The following TRPM3 variants were observed in gnomAD, a reference collection of about 807,000 sequenced individuals.
TRPM3 encodes the protein long transient receptor potential channel 3.
In TRPM3, 77 loss-of-function variants were observed where a neutral mutation model predicts 181.2. The observed-to-expected ratio is 0.42, with a 90% confidence interval of 0.35 to 0.51. The LOEUF (loss-of-function observed/expected upper bound fraction) is 0.51. TRPM3 is among the 20% of genes least tolerant of loss of function. The probability of loss-of-function intolerance (pLI) is 0.01; values close to 1 mark genes in which losing one functional copy is unlikely to be tolerated. For missense variants in TRPM3, 1,759 were observed against 2,196.7 expected (o/e 0.80, Z 3.98); for synonymous variants, 745 against 796.4 (o/e 0.94, Z 1.09).
exon 1 of TRPM3, chr9:71,446,682 G>A (rs749874379): frequency 3.7e-5 from 58 of 1,550,278 alleles, no homozygotes; most frequent in African/African-American, 6.8e-5. Flanking sequence ...AGTCCCGAGC[G>A]TTTGGTGGAC....
intron 1 of TRPM3, among the ~76,000 whole-genome samples, chr9:71,143,677 T>C (rs2075253772): frequency 6.6e-6 from 1 of 152,212 alleles, no homozygotes; most frequent in African/African-American, 2.4e-5. Flanking sequence ...TCTAATAGAA[T>C]GATTTATATC....
chr9:71,218,977 G>T (rs1489102677), intron 1 of TRPM3, among the ~76,000 whole-genome samples: 3 of 152,166 alleles, frequency 2.0e-5, no homozygotes, highest in Non-Finnish European at 2.9e-5. Context: ...GAGCACAAAA[G>T]ACTGGATGAC....
At chr9:71,433,830 T>C (rs1462535593) in intron 1 of TRPM3, among the ~76,000 whole-genome samples, 9 of 152,202 alleles carry the variant, frequency 5.9e-5, no homozygotes, top group African/African-American at 2.2e-4. Context: ...AGAAGCTTTA[T>C]GCACTTTGGA....
intron 1 of TRPM3, among the ~76,000 whole-genome samples, chr9:70,868,010 GT>G (rs1375144759): frequency 6.6e-6 from 1 of 152,016 alleles, no homozygotes; most frequent in Non-Finnish European, 1.5e-5. Flanking sequence ...GATGTGCTGT[GT>G]TTCTAGCTGA....
In TRPM3 at chr9:70,827,888, C is replaced by A; in HGVS notation, c.932G>T (p.Arg311Ile). The A allele has an allele frequency of 2.5e-6, 4 of 1,614,096 alleles. No individual in the cohort carries two copies. Among genetic ancestry groups the A allele is most frequent in the Non-Finnish European group, 3.4e-6 (4 of 1,179,976 alleles). The part of the protein sequence containing the change: ...GKYGAEVKLR[R>I]QLEKHISLQK... Reference sequence around the variant, plus strand: ...GAGTGAAATATGCTTTTCCAGTTGTCTTCGAAGTTTCACCTCTGCTCCATA... The same window carrying A: ...GAGTGAAATATGCTTTTCCAGTTGTATTCGAAGTTTCACCTCTGCTCCATA... The change falls in exon 6 of 26, where the codon AGA (arginine) becomes ATA (isoleucine). Residue 311 changes from arginine (R) to isoleucine (I), a missense_variant. By Grantham distance (97) the Arg-to-Ile change is moderately conservative. Coordinates refer to ENST00000677713, the MANE Select transcript of TRPM3 (RefSeq NM_001366145.2).
intron 1 of TRPM3, among the ~76,000 whole-genome samples, chr9:71,107,716 C>A (rs943199739): frequency 3.9e-5 from 6 of 152,116 alleles, no homozygotes; most frequent in Admixed American, 3.9e-4. Flanking sequence ...GACTGTTTTA[C>A]ATTTGTATGA....
At chr9:70,682,577 G>A (rs2134259093) in intron 8 of TRPM3, among the ~76,000 whole-genome samples, 1 of 152,216 alleles carries the variant, frequency 6.6e-6, no homozygotes, top group East Asian at 1.9e-4. Context: ...GACAGAGAGT[G>A]GCTGACATAA....
chr9:71,029,111 G>A (rs1404438935), intron 1 of TRPM3, among the ~76,000 whole-genome samples: 3 of 152,044 alleles, frequency 2.0e-5, no homozygotes, highest in African/African-American at 7.2e-5. Flanking sequence ...AAACTTTTTG[G>A]TTAATTATGA....
intron 7 of TRPM3, among the ~76,000 whole-genome samples, chr9:70,764,457 A>G (rs10868883): frequency 0.15 from 23,291 of 152,152 alleles, 2,374 homozygotes; most frequent in East Asian, 0.39. Flanking sequence ...CCCCAAGGTC[A>G]TTATCTGCAT....
intron 8 of TRPM3, among the ~76,000 whole-genome samples, chr9:70,737,965 C>T (rs925252063): frequency 6.6e-6 from 1 of 152,118 alleles, no homozygotes; most frequent in Non-Finnish European, 1.5e-5. Context: ...GACAGGTCAT[C>T]AAGACAGAAA....
At chr9:70,566,383 G>T (rs1181249487) in intron 22 of TRPM3, among the ~76,000 whole-genome samples, 1 of 152,084 alleles carries the variant, frequency 6.6e-6, no homozygotes, top group Non-Finnish European at 1.5e-5. Flanking sequence ...GAAGGTCCCT[G>T]GTCTGGAGTA....
At chr9:71,300,934 A>C (rs1319921363) in intron 1 of TRPM3, among the ~76,000 whole-genome samples, 1 of 152,094 alleles carries the variant, frequency 6.6e-6, no homozygotes, top group Non-Finnish European at 1.5e-5. Context: ...AGCACCTTGA[A>C]ATTTGATTCA....
intron 1 of TRPM3, among the ~76,000 whole-genome samples, chr9:71,416,497 T>C (rs1363161989): frequency 6.6e-6 from 1 of 151,880 alleles, no homozygotes; most frequent in Non-Finnish European, 1.5e-5. Flanking sequence ...AAGTAGAAAA[T>C]ATAGCTGGTT....
At chr9:71,106,341 G>A (rs189465245) in intron 1 of TRPM3, among the ~76,000 whole-genome samples, 109 of 152,226 alleles carry the variant, frequency 7.2e-4, no homozygotes, top group African/African-American at 2.6e-3. Context: ...TTGGTCATGA[G>A]GGCAGATCCC....
At chr9:71,172,690 G>T (rs2076926943) in intron 1 of TRPM3, among the ~76,000 whole-genome samples, 1 of 152,114 alleles carries the variant, frequency 6.6e-6, no homozygotes, top group Admixed American at 6.6e-5. Context: ...AGGTCTCAGA[G>T]GGAAACAATA....
chr9:70,541,907 G>A (rs778535234), intron 25 of TRPM3, among the ~76,000 whole-genome samples: 7 of 152,266 alleles, frequency 4.6e-5, no homozygotes, highest in South Asian at 2.1e-4. Flanking sequence ...TGGATCACTC[G>A]AGCCCAGGAG....
intron 9 of TRPM3, among the ~76,000 whole-genome samples, chr9:70,664,550 G>T (rs183775455): frequency 1.3e-5 from 2 of 151,514 alleles, no homozygotes; most frequent in African/African-American, 4.8e-5. Flanking sequence ...TAACTTGAGA[G>T]AATTTGTTGT....
chr9:71,398,435 G>T lies in TRPM3; in HGVS notation c.183+48218C>A, dbSNP rs992804311. Among the ~76,000 whole-genome samples, 5 of 152,134 alleles carry T rather than the reference G, an allele frequency of 3.3e-5. No individual in the cohort carries two copies. In the South Asian group the frequency reaches 1.0e-3, roughly 31 times the overall value. ...CTGTGTCCCCATCAAATCTCATGTT[G>T]AACTATAATTCCCAATGTTGGGGGA... On this transcript the variant is annotated intron_variant, in intron 1 of 24. Coordinates refer to the TRPM3 transcript ENST00000357533.
rs1337490095 is a variant in TRPM3 at position 71,117,310 on chromosome 9, G to A, written c.177+3868C>T. On this transcript the variant is annotated intron_variant, in intron 1 of 25. Coordinates refer to ENST00000677713, the MANE Select transcript of TRPM3 (RefSeq NM_001366145.2). ...TTTAATTGCCTCTCCCTCCCCCCTA[G>A]TTTCAAGATAATGGTCAAATGCTGT... Among the ~76,000 whole-genome samples, 4 of 152,064 alleles carry A rather than the reference G, an allele frequency of 2.6e-5. 1 individual carries two copies. Among genetic ancestry groups the A allele is most frequent in the African/African-American group, 7.2e-5 (3 of 41,400 alleles).
Sources: allele counts gnomAD v4.1 joint callset (sites outside exome capture counted in the v4.1 genomes callset), GRCh38; gene constraint gnomAD v4.1.1; transcripts MANE v1.5; gene names NCBI Gene and HGNC (gene_info 2026-07-23, HGNC 2026-07-21).